The following AKAP6 variants were observed in gnomAD, a reference collection of about 807,000 sequenced individuals.
The protein encoded by AKAP6 is A-kinase anchoring protein 6.
In AKAP6, 58 loss-of-function variants were observed where a neutral mutation model predicts 188.5. The observed-to-expected ratio is 0.31, with a 90% CI of 0.25 to 0.38. AKAP6 has a LOEUF of 0.38. Among genes scored for constraint, AKAP6 ranks in the 10% least tolerant of loss-of-function variants. AKAP6 has a pLI of 1.00. For synonymous variants in AKAP6, 989 were observed against 998.6 expected (o/e 0.99, Z 0.18); for missense variants, 2,710 against 2,740.0 (o/e 0.99, Z 0.24).
At chr14:32,543,406 A>G (rs550146718) in intron 3 of AKAP6, among the ~76,000 whole-genome samples, 1 of 152,320 alleles carries the variant, frequency 6.6e-6, no homozygotes, top group African/African-American at 2.4e-5. Flanking sequence ...ATAGTATTCC[A>G]TTGTGGATAT....
intron 2 of AKAP6, among the ~76,000 whole-genome samples, chr14:32,488,323 C>T (rs374380788): frequency 6.6e-6 from 1 of 152,182 alleles, no homozygotes; most frequent in African/African-American, 2.4e-5. Context: ...GCTTTGTTTA[C>T]ACTGTGAGGG....
chr14:32,630,181 G>GTTCCT (rs1887208906), intron 7 of AKAP6, among the ~76,000 whole-genome samples: 1 of 152,042 alleles, frequency 6.6e-6, no homozygotes, highest in Non-Finnish European at 1.5e-5. Context: ...TTTAATTGAA[G>GTTCCT]ATCTCATTTC....
At chr14:32,433,379 C>T (rs542519732) in intron 1 of AKAP6, 81 bp from the exon 2 acceptor site, 1 of 941,702 alleles carries the variant, frequency 1.1e-6, no homozygotes, top group Non-Finnish European at 1.6e-6. Context: ...ATTTAGAAAT[C>T]CTGTTTCTTC....
chr14:32,494,224 C>T (rs970233925), intron 2 of AKAP6: 1 of 152,324 alleles, frequency 6.6e-6, no homozygotes, highest in African/African-American at 2.4e-5. Context: ...ATGCCCACCC[C>T]TTCCTGGAAA....
At chr14:32,472,315 AG>A (rs1334529433) in intron 2 of AKAP6, among the ~76,000 whole-genome samples, 2 of 152,086 alleles carry the variant, frequency 1.3e-5, no homozygotes. Context: ...AGTCCCAGGG[AG>A]GGTCTCAGCT....
chr14:32,540,771 A>T (rs899954496), intron 3 of AKAP6, among the ~76,000 whole-genome samples: 4 of 152,172 alleles, frequency 2.6e-5, no homozygotes, highest in African/African-American at 9.7e-5. Context: ...AAACTCATTC[A>T]TCTGCTCTGA....
intron 8 of AKAP6, among the ~76,000 whole-genome samples, chr14:32,679,603 T>C (rs1379885656): frequency 1.3e-5 from 2 of 152,194 alleles, no homozygotes; most frequent in African/African-American, 2.4e-5. Flanking sequence ...AGTACACTGA[T>C]GAAAAATTCT....
intron 2 of AKAP6, among the ~76,000 whole-genome samples, chr14:32,531,659 G>C (rs887859976): frequency 6.6e-6 from 1 of 152,034 alleles, no homozygotes; most frequent in African/African-American, 2.4e-5. Flanking sequence ...CCCATCCCCA[G>C]TCTCTAGTAG....
chr14:32,754,577 A>T (rs1232248964), intron 11 of AKAP6, among the ~76,000 whole-genome samples: 1 of 152,142 alleles, frequency 6.6e-6, no homozygotes, highest in Non-Finnish European at 1.5e-5. Flanking sequence ...ATTTGACTTT[A>T]TCTTTACATT....
chr14:32,467,259 T>C (rs184536192), intron 2 of AKAP6, among the ~76,000 whole-genome samples: 51 of 151,208 alleles, frequency 3.4e-4, no homozygotes, highest in African/African-American at 1.1e-3. Flanking sequence ...TTTAGCAATA[T>C]GTACTGAAAT....
chr14:32,792,211 C>T (rs1293427440), intron 12 of AKAP6, among the ~76,000 whole-genome samples: 2 of 152,138 alleles, frequency 1.3e-5, no homozygotes, highest in African/African-American at 4.8e-5. Flanking sequence ...TTACTTTGGA[C>T]AGTACGGCCA....
At chr14:32,483,736 A>G (rs563751033) in intron 2 of AKAP6, among the ~76,000 whole-genome samples, 8 of 152,182 alleles carry the variant, frequency 5.3e-5, no homozygotes, top group Non-Finnish European at 7.4e-5. Flanking sequence ...TGCATGCCTC[A>G]GCCTCCCAAA....
At position 32,837,297 on chromosome 14, in the gene AKAP6, T is replaced by G. The variant is rs2034885044; in HGVS notation, c.*7492T>G. ...AAATTATTAAAACATTTCTTTGTCC[T>G]TACTTAAACCTAACCTGCCATTTTA... On this transcript the variant is annotated 3_prime_UTR_variant, in exon 14 of 14. Transcript: ENST00000280979. The G allele has an allele frequency of 6.6e-6, 1 of 152,222 alleles. No individual in the cohort carries two copies. Among genetic ancestry groups the G allele is most frequent in the East Asian group, 1.9e-4 (1 of 5,206 alleles). The allele number at this position is 152,222 out of a possible 1,614,324, so 9.4% of individuals were successfully genotyped here.
At chr14:32,501,959 T>A (rs1880629348) in intron 2 of AKAP6, among the ~76,000 whole-genome samples, 1 of 152,162 alleles carries the variant, frequency 6.6e-6, no homozygotes, top group African/African-American at 2.4e-5. Context: ...GAAGCAAATA[T>A]GCCTTATTAC....
chr14:32,829,770 G>T, intron 13 of AKAP6, 78 bp from the exon 14 acceptor site: 1 of 618,774 alleles, frequency 1.6e-6, no homozygotes, highest in South Asian at 1.9e-5. Context: ...GCCTTCAATG[G>T]TTCCTCAAAG....
chr14:32,578,791 C>A (rs1009553266), intron 5 of AKAP6, among the ~76,000 whole-genome samples: 1 of 151,518 alleles, frequency 6.6e-6, no homozygotes, highest in Non-Finnish European at 1.5e-5. Flanking sequence ...TTATTGAAAG[C>A]CGGGCTAGGA....
Position 32,773,854 on chromosome 14 carries a change from G to A in AKAP6, c.3549G>A (p.Gln1183=), listed in dbSNP as rs771296051. The A allele has an allele frequency of 6.2e-7, 1 of 1,614,110 alleles. No homozygotes were observed. The highest frequency in any genetic ancestry group is 8.5e-7 in the Non-Finnish European group (1 of 1,179,982). ...RWEAIVMQAV[Q]WQTRLQKKMG... ...AAGCCATTGTCATGCAAGCCGTCCA[G>A]TGGCAAACACGTCTACAAAAGAAGA... Residue 1183 remains glutamine (Q), a synonymous_variant, in exon 12 of 14, where the codon CAG becomes CAA. Coordinates refer to ENST00000280979, the MANE Select transcript of AKAP6 (RefSeq NM_004274.5).
Position 32,834,657 on chromosome 14 carries a change from A to C in AKAP6, c.*4852A>C, listed in dbSNP as rs917803433. On this transcript the variant is annotated 3_prime_UTR_variant, in exon 14 of 14. Transcript: ENST00000280979. ...AGGCCAGTTTTGCAGAATGATCCAC[A>C]ATCTTGATGGGTCTAGTTGTTTTCT... is the stretch of plus-strand genomic sequence containing the variant. 1 of 151,708 alleles carries C rather than the reference A, an allele frequency of 6.6e-6. No individual in the cohort carries two copies. The highest frequency in any genetic ancestry group is 2.4e-5 in the African/African-American group (1 of 41,276). 9.4% of individuals were successfully genotyped at this position (151,708 alleles called of 1,614,324 possible).
chr14:32,780,570 G>A (rs1402821851), intron 12 of AKAP6, among the ~76,000 whole-genome samples: 7 of 152,138 alleles, frequency 4.6e-5, no homozygotes, highest in Non-Finnish European at 8.8e-5. Flanking sequence ...TCCAGCAGCA[G>A]CAGAATATAC....
Sources: allele counts gnomAD v4.1 joint callset (sites outside exome capture counted in the v4.1 genomes callset), GRCh38; gene constraint gnomAD v4.1.1; transcripts MANE v1.5; gene names NCBI Gene and HGNC (gene_info 2026-07-23, HGNC 2026-07-21).